CCND3: variants seen among roughly 807,000 people sequenced by gnomAD.
The protein encoded by CCND3 is G1/S-specific cyclin-D3.
A neutral mutation model predicts 28.7 loss-of-function variants in CCND3; 9 were observed. The ratio of observed to expected loss-of-function variants is 0.31; its 90% CI spans 0.19 to 0.55. The LOEUF (loss-of-function observed/expected upper bound fraction) is 0.55, where lower values mean the gene tolerates loss of function less well. Among genes scored for constraint, CCND3 ranks in the 20% least tolerant of loss-of-function variants. The pLI is 0.93. For missense variants in CCND3, 315 were observed against 385.8 expected (o/e 0.82, Z 1.54); for synonymous variants, 164 against 163.9 (o/e 1.00, Z 0.00).
At chr6:41,975,000 G>A (rs969423932) in intron 1 of CCND3, among the ~76,000 whole-genome samples, 2 of 151,820 alleles carry the variant, frequency 1.3e-5, no homozygotes, top group Admixed American at 1.3e-4. Flanking sequence ...CACTGTGTTG[G>A]CCAGGCTCGT....
Position 42,026,108 on chromosome 6 carries a change from T to C in CCND3, c.-46+22393A>G, listed in dbSNP as rs186086546. Among the ~76,000 whole-genome samples, 178 of 152,300 alleles carry C rather than the reference T, an allele frequency of 1.2e-3. 3 individuals are homozygous for C. The highest frequency in any genetic ancestry group is 1.7e-3 in the Non-Finnish European group (118 of 68,024). ...ATCAAAGGGATAAGCTATCTGTCAA[T>C]TGTTAGGTCTCGTTTGAAAATAAAC... On this transcript the variant is annotated intron_variant, in intron 1 of 4. Transcript: ENST00000372988.
intron 1 of CCND3, among the ~76,000 whole-genome samples, chr6:42,004,434 A>G (rs1373322377): frequency 6.6e-6 from 1 of 152,216 alleles, no homozygotes; most frequent in African/African-American, 2.4e-5. Flanking sequence ...CTATATATAC[A>G]GAATAACTCT....
intron 1 of CCND3, among the ~76,000 whole-genome samples, chr6:42,008,128 C>T (rs1186893891): frequency 6.6e-6 from 1 of 152,090 alleles, no homozygotes; most frequent in East Asian, 1.9e-4. Flanking sequence ...CACCTGTAAT[C>T]TCAGCACTTT....
At chr6:41,992,018 A>C (rs1474795656) in intron 1 of CCND3, among the ~76,000 whole-genome samples, 2 of 152,154 alleles carry the variant, frequency 1.3e-5, no homozygotes, top group African/African-American at 4.8e-5. Context: ...GGTTGATTCG[A>C]TATCTTGATT....
chr6:41,982,253 AAC>A (rs1237789767), intron 1 of CCND3, among the ~76,000 whole-genome samples: 1 of 123,346 alleles, frequency 8.1e-6, no homozygotes, highest in Non-Finnish European at 1.7e-5. Flanking sequence ...CAGCCTGGGC[AAC>A]AGAGTGAGAC....
At chr6:41,947,214 C>T (rs1236452441) in intron 1 of CCND3, among the ~76,000 whole-genome samples, 1 of 151,024 alleles carries the variant, frequency 6.6e-6, no homozygotes, top group East Asian at 1.9e-4. Flanking sequence ...GAGCAAGACT[C>T]CGTCTCAAAA....
intron 1 of CCND3, among the ~76,000 whole-genome samples, chr6:41,956,479 C>T (rs1265017390): frequency 6.6e-6 from 1 of 152,100 alleles, no homozygotes; most frequent in Non-Finnish European, 1.5e-5. Context: ...CCTCAACGTT[C>T]TAAAGGTAGG....
At position 42,044,117 on chromosome 6, in the gene CCND3, A is replaced by T. The variant is rs529005338; in HGVS notation, c.-46+4384T>A. On this transcript the variant is annotated intron_variant, in intron 1 of 4. Coordinates refer to the CCND3 transcript ENST00000372988. ...AAGGGAAAGGACAGTCAGGAAGGGG[A>T]AAGAGAAGATGTGGAAGAAATCCCT... is the stretch of plus-strand genomic sequence containing the variant. Among the ~76,000 whole-genome samples the T allele has an allele frequency of 3.9e-5, 6 of 152,316 alleles. No individual in the cohort carries two copies. In the South Asian group the frequency reaches 1.2e-3, roughly 32 times the overall value.
intron 1 of CCND3, among the ~76,000 whole-genome samples, chr6:42,000,234 C>CGTTTTTT (rs1762951898): frequency 7.8e-5 from 4 of 51,012 alleles, no homozygotes; most frequent in Admixed American, 3.6e-4. Flanking sequence ...TGAAAACATA[C>CGTTTTTT]TTTTTTTTTT....
intron 1 of CCND3, among the ~76,000 whole-genome samples, chr6:41,965,406 C>T (rs1257522112): frequency 2.0e-5 from 3 of 152,052 alleles, no homozygotes; most frequent in Non-Finnish European, 2.9e-5. Context: ...CAGTAAGACG[C>T]CCAGCTAGGA....
intron 1 of CCND3, among the ~76,000 whole-genome samples, chr6:41,964,339 T>A (rs375021695): frequency 7.5e-6 from 1 of 133,106 alleles, no homozygotes; most frequent in East Asian, 2.0e-4. Flanking sequence ...AATGTGTGTG[T>A]GAATGTGTGT....
chr6:42,045,799 G>A (rs775212302), intron 1 of CCND3, among the ~76,000 whole-genome samples: 5 of 152,218 alleles, frequency 3.3e-5, no homozygotes, highest in Non-Finnish European at 5.9e-5. Flanking sequence ...CTTGGCAGGG[G>A]CCCCAGAACT....
intron 2 of CCND3, among the ~76,000 whole-genome samples, chr6:41,937,945 G>T (rs927980757): frequency 1.3e-5 from 2 of 152,194 alleles, no homozygotes; most frequent in African/African-American, 4.8e-5. Context: ...CCTTTTCTCA[G>T]GTTCCTCAAA....
chr6:41,952,816 G>GTA (rs1776345663), intron 1 of CCND3, among the ~76,000 whole-genome samples: 1 of 151,672 alleles, frequency 6.6e-6, no homozygotes, highest in Non-Finnish European at 1.5e-5. Context: ...GTGTGAGTGT[G>GTA]TGTGTGTGTG....
chr6:41,978,197 A>G (rs1171209301), intron 1 of CCND3, among the ~76,000 whole-genome samples: 9 of 151,464 alleles, frequency 5.9e-5, no homozygotes, highest in Admixed American at 5.9e-4. Context: ...CCATGGTGAA[A>G]CCCCATCTCT....
chr6:42,008,783 C>T (rs940874812), intron 1 of CCND3, among the ~76,000 whole-genome samples: 3 of 152,130 alleles, frequency 2.0e-5, no homozygotes, highest in Non-Finnish European at 2.9e-5. Flanking sequence ...TATAGTTGAG[C>T]AGTTTCATGC....
intron 1 of CCND3, among the ~76,000 whole-genome samples, chr6:41,952,438 T>C (rs1776338862): frequency 6.6e-6 from 1 of 152,208 alleles, no homozygotes; most frequent in Non-Finnish European, 1.5e-5. Flanking sequence ...CAAAAGTGCG[T>C]GCTTGACAGC....
chr6:41,984,522 A>AT (rs1315018926), intron 1 of CCND3, among the ~76,000 whole-genome samples: 64 of 151,840 alleles, frequency 4.2e-4, no homozygotes, highest in Non-Finnish European at 7.4e-5. Context: ...AATTTTTTGT[A>AT]TTTTTAGTAG....
Position 42,048,967 on chromosome 6 carries a change from C to A in CCND3, c.-512G>T. 1 of 197,950 alleles carries A rather than the reference C, an allele frequency of 5.1e-6. No individual in the cohort carries two copies. Among genetic ancestry groups the A allele is most frequent in the Non-Finnish European group, 1.0e-5 (1 of 99,510 alleles). 12.3% of individuals were successfully genotyped at this position (197,950 alleles called of 1,614,324 possible). On this transcript the variant is annotated 5_prime_UTR_variant, in exon 1 of 5. Transcript: ENST00000372988. The surrounding 1 kb of genome is among the most constrained non-coding windows in gnomAD (Gnocchi z 4.7). ...GGCAGCACGGGTTCCCGGACCGCTG[C>A]CTCCCGGCGTTGGCAACTCCTCCAC...
Sources: gnomAD v4.1 joint callset for allele counts (sites outside exome capture counted in the v4.1 genomes callset) on GRCh38, gnomAD v4.1.1 for gene constraint, Gnocchi (gnomAD v3.1) non-coding constraint, MANE v1.5 for transcripts, NCBI Gene and HGNC (gene_info 2026-07-23, HGNC 2026-07-21) for gene names.